Variants in ROBO2 observed in about 807,000 individuals in gnomAD.
ROBO2 encodes roundabout homolog 2.
A neutral mutation model predicts 160.8 loss-of-function variants in ROBO2; 53 were observed. The ratio of observed to expected loss-of-function variants is 0.33; its 90% CI spans 0.26 to 0.41. The LOEUF (loss-of-function observed/expected upper bound fraction) is 0.41, where lower values mean the gene tolerates loss of function less well. Among genes scored for constraint, ROBO2 ranks in the 10% least tolerant of loss-of-function variants. ROBO2 has a pLI of 1.00. For missense variants in ROBO2, 1,577 were observed against 1,722.4 expected (o/e 0.92, Z 1.49); for synonymous variants, 664 against 611.7 (o/e 1.09, Z -1.26).
At chr3:75,982,941 G>A (rs768579375) in intron 2 of ROBO2, among the ~76,000 whole-genome samples, 15 of 151,458 alleles carry the variant, frequency 9.9e-5, no homozygotes, top group Non-Finnish European at 1.8e-4. Context: ...CAATTTGATG[G>A]AAATGTTTTC....
At chr3:77,425,928 G>A (rs892691075) in intron 2 of ROBO2, among the ~76,000 whole-genome samples, 3 of 152,058 alleles carry the variant, frequency 2.0e-5, no homozygotes, top group African/African-American at 7.2e-5. Flanking sequence ...CTCCCAAAGT[G>A]CTGGGATTAC....
intron 5 of ROBO2, among the ~76,000 whole-genome samples, chr3:77,519,507 C>G (rs1385951652): frequency 6.6e-6 from 1 of 151,202 alleles, no homozygotes; most frequent in Non-Finnish European, 1.5e-5. Flanking sequence ...TTAACCCCCT[C>G]CTTCTCTCTT....
At chr3:77,113,059 T>C (rs2150196721) in intron 2 of ROBO2, among the ~76,000 whole-genome samples, 1 of 152,278 alleles carries the variant, frequency 6.6e-6, no homozygotes, top group Middle Eastern at 3.4e-3. Context: ...ATTATCACTG[T>C]TTTGAAAAGT....
chr3:77,315,173 G>C (rs1049556179), intron 2 of ROBO2, among the ~76,000 whole-genome samples: 1 of 152,020 alleles, frequency 6.6e-6, no homozygotes, highest in African/African-American at 2.4e-5. Flanking sequence ...TTAATAATAT[G>C]AACTTGGAAC....
chr3:75,971,182 G>C (rs2064981131), intron 2 of ROBO2, among the ~76,000 whole-genome samples: 1 of 151,224 alleles, frequency 6.6e-6, no homozygotes, highest in African/African-American at 2.4e-5. Flanking sequence ...TAGATTTCAG[G>C]CTTTAAAAGT....
chr3:76,181,980 C>T (rs539250582), intron 2 of ROBO2, among the ~76,000 whole-genome samples: 103 of 152,128 alleles, frequency 6.8e-4, no homozygotes, highest in African/African-American at 2.4e-3. Context: ...TTATTTCTAA[C>T]AGGAAGCATT....
In ROBO2 at chr3:77,579,731, T is replaced by A. The variant is rs1444971193; in HGVS notation, c.2329-216T>A. On this transcript the variant is annotated intron_variant, in intron 15 of 25. Transcript: ENST00000461745. ...ATGGCATAGTTTCAGCTTCCCTTAT[T>A]GTTCTTCCTTTAATACAGGTGCATG... 3.9e-5 allele frequency among the ~76,000 whole-genome samples: 6 copies of A among 152,318 alleles called. No homozygotes were observed. The East Asian group carries it at 9.6e-4, about 24-fold the overall frequency.
At chr3:77,499,788 A>G (rs747137304) in intron 5 of ROBO2, among the ~76,000 whole-genome samples, 1 of 151,418 alleles carries the variant, frequency 6.6e-6, no homozygotes, top group Non-Finnish European at 1.5e-5. Context: ...AGCTGGGACT[A>G]TAGGCGCCCA....
chr3:77,228,947 C>T (rs1292569454), intron 2 of ROBO2, among the ~76,000 whole-genome samples: 1 of 152,156 alleles, frequency 6.6e-6, no homozygotes, highest in African/African-American at 2.4e-5. Flanking sequence ...AGGTCTCATG[C>T]AATTTACCTG....
chr3:77,642,911 G>A (rs756969203), intron 24 of ROBO2: 7 of 456,424 alleles, frequency 1.5e-5, no homozygotes, highest in South Asian at 7.7e-5. Context: ...GAAGATATAC[G>A]GAAAGCCCCA....
intron 2 of ROBO2, among the ~76,000 whole-genome samples, chr3:77,337,760 C>A (rs1240895020): frequency 6.6e-6 from 1 of 152,034 alleles, no homozygotes; most frequent in African/African-American, 2.4e-5. Flanking sequence ...AAATTCATTT[C>A]TTTTAGGAAT....
At chr3:76,039,607 T>A (rs913484086) in intron 2 of ROBO2, among the ~76,000 whole-genome samples, 1 of 152,054 alleles carries the variant, frequency 6.6e-6, no homozygotes, top group Admixed American at 6.5e-5. Context: ...TGTTGGGGAA[T>A]ACTTCCTAAT....
At chr3:76,216,643 C>G (rs933702487) in intron 2 of ROBO2, among the ~76,000 whole-genome samples, 1 of 152,132 alleles carries the variant, frequency 6.6e-6, no homozygotes, top group African/African-American at 2.4e-5. Flanking sequence ...AATACAGGAG[C>G]ACCCAGATTC....
intron 2 of ROBO2, among the ~76,000 whole-genome samples, chr3:76,468,001 T>C (rs556627874): frequency 1.8e-4 from 27 of 152,260 alleles, no homozygotes; most frequent in African/African-American, 6.5e-4. Context: ...GTTTTATCTC[T>C]GACAGTTTTT....
chr3:77,242,381 TGAAAA>T lies in ROBO2; in HGVS notation c.388+144049_388+144053del, dbSNP rs367750957. 3.0e-3 allele frequency among the ~76,000 whole-genome samples: 451 copies of T among 152,252 alleles called. 3 individuals carry two copies. Among genetic ancestry groups the T allele is most frequent in the African/African-American group, 9.9e-3 (410 of 41,546 alleles). ...TGTATTCTATTTTAACATCTTCCAC[TGAAAA>T]GAAAAGATAATGATATAAATAAAGC... On this transcript the variant is annotated intron_variant, in intron 2 of 25. Coordinates refer to ENST00000461745, the Ensembl canonical transcript of ROBO2.
At chr3:76,278,957 C>G (rs1222964180) in intron 2 of ROBO2, among the ~76,000 whole-genome samples, 1 of 151,880 alleles carries the variant, frequency 6.6e-6, no homozygotes, top group Non-Finnish European at 1.5e-5. Flanking sequence ...CTATTTGATA[C>G]TCATAGACTA....
At chr3:77,614,753 C>A (rs7428849) in intron 21 of ROBO2, among the ~76,000 whole-genome samples, 29,457 of 141,846 alleles carry the variant, frequency 0.21, 3,158 homozygotes, top group East Asian at 0.34. Context: ...AACCAACCAA[C>A]CAAACAAACA....
Position 76,782,971 on chromosome 3 carries a change from C to T in ROBO2, c.110-315043C>T, listed in dbSNP as rs1036949619. 6.0e-5 allele frequency among the ~76,000 whole-genome samples: 9 copies of T among 150,316 alleles called. No individual in the cohort carries two copies. The South Asian group carries it at 8.4e-4, about 14-fold the overall frequency. On this transcript the variant is annotated intron_variant, in intron 2 of 26. Transcript: ENST00000487694. ...TGGCTTTTATTCTCCCTCTCTTGCT[C>T]TCCTTCTTGGTGATTTGATAAAATT...
At chr3:76,529,025 A>G (rs196532) in intron 2 of ROBO2, among the ~76,000 whole-genome samples, 138,546 of 152,178 alleles carry the variant, frequency 0.91, 63,186 homozygotes, top group African/African-American at 0.98. Context: ...AGCAGTTTTT[A>G]TAGAGTGTGG....
Sources: allele counts gnomAD v4.1 joint callset (sites outside exome capture counted in the v4.1 genomes callset), GRCh38; gene constraint gnomAD v4.1.1; transcripts MANE v1.5; gene names NCBI Gene and HGNC (gene_info 2026-07-23, HGNC 2026-07-21).